The following ZMAT4 variants were observed in gnomAD, a reference collection of about 807,000 sequenced individuals.
ZMAT4 encodes zinc finger matrin-type protein 4.
A neutral mutation model predicts 28.7 loss-of-function variants in ZMAT4; 17 were observed. The observed-to-expected ratio is 0.59, with a 90% CI of 0.41 to 0.89. ZMAT4 has a LOEUF of 0.89. ZMAT4 is among the 40% of genes least tolerant of loss of function. The pLI is 0.00. For synonymous variants in ZMAT4, 117 were observed against 109.2 expected, an observed-to-expected ratio of 1.07 and a Z score of -0.44; for missense variants, 240 against 283.8, an observed-to-expected ratio of 0.85 and a Z score of 1.11.
At chr8:40,622,308 G>A (rs151177862) in intron 5 of ZMAT4, among the ~76,000 whole-genome samples, 81 of 152,314 alleles carry the variant, frequency 5.3e-4, no homozygotes, top group Admixed American at 1.4e-3. Context: ...GGTGGCTTGT[G>A]ACTTAATGAT....
At chr8:40,633,909 G>C (rs1243582199) in intron 5 of ZMAT4, among the ~76,000 whole-genome samples, 2 of 152,164 alleles carry the variant, frequency 1.3e-5, no homozygotes, top group African/African-American at 4.8e-5. Flanking sequence ...TTAGCTATGA[G>C]TTACCTCAGC....
chr8:40,873,359 G>C (rs1191663461), intron 1 of ZMAT4, among the ~76,000 whole-genome samples: 1 of 152,132 alleles, frequency 6.6e-6, no homozygotes, highest in Non-Finnish European at 1.5e-5. Flanking sequence ...ATGAGTCACC[G>C]AAAGCTGTTG....
chr8:40,702,893 G>T lies in ZMAT4; in HGVS notation c.193-5492C>A, dbSNP rs1010361487. 2.6e-5 allele frequency among the ~76,000 whole-genome samples: 4 copies of T among 152,260 alleles called. No individual in the cohort carries two copies. In the East Asian group the frequency reaches 5.8e-4, roughly 22 times the overall value. On this transcript the variant is annotated intron_variant, in intron 3 of 6. Coordinates refer to ENST00000297737, the MANE Select transcript of ZMAT4 (RefSeq NM_024645.3). ...ACTCCAGAAAATGCTAAAGAAACAC[G>T]CATAGAGAGTAATGGAGCGATGGAA...
chr8:40,749,715 A>AGT (rs1812379781), intron 3 of ZMAT4, among the ~76,000 whole-genome samples: 1 of 152,194 alleles, frequency 6.6e-6, no homozygotes, highest in African/African-American at 2.4e-5. Context: ...TTGAGGCAGG[A>AGT]GTGAGTGAAA....
At chr8:40,683,351 A>G (rs112488656) in intron 4 of ZMAT4, among the ~76,000 whole-genome samples, 1 of 152,062 alleles carries the variant, frequency 6.6e-6, no homozygotes, top group African/African-American at 2.4e-5. Context: ...AAGGTGCTAC[A>G]CTCCCTGAGT....
intron 5 of ZMAT4, among the ~76,000 whole-genome samples, chr8:40,613,171 A>ACTTTCTTT (rs201810452): frequency 2.7e-4 from 26 of 96,604 alleles, no homozygotes; most frequent in African/African-American, 9.3e-4. Context: ...TTTCTTTCTT[A>ACTTTCTTT]CTTTCTTTCT....
At chr8:40,848,088 C>A (rs190062912) in intron 1 of ZMAT4, among the ~76,000 whole-genome samples, 253 of 152,332 alleles carry the variant, frequency 1.7e-3, no homozygotes, top group Non-Finnish European at 2.9e-3. Flanking sequence ...TGTCTACCTG[C>A]TCCTTGTGTC....
At chr8:40,713,921 C>CA (rs532317102) in intron 3 of ZMAT4, among the ~76,000 whole-genome samples, 2,525 of 49,922 alleles carry the variant, frequency 0.051, 62 homozygotes, top group African/African-American at 0.12. Flanking sequence ...AAAACAAAAC[C>CA]AAAAAAAAAA....
rs530226940 is a variant in ZMAT4, at chr8:40,851,316, G to A, written c.-4-25636C>T. On this transcript the variant is annotated intron_variant, in intron 1 of 6. Coordinates refer to ENST00000297737, the MANE Select transcript of ZMAT4 (RefSeq NM_024645.3). ...GCTCTCCAGCCTGAGTGATAAGAGC[G>A]AAATTACATCTCAATAAAAGGAAAC... Among the ~76,000 whole-genome samples, 67 of 151,954 alleles carry A rather than the reference G, an allele frequency of 4.4e-4. 3 individuals are homozygous for A. Among genetic ancestry groups the A allele is most frequent in the Admixed American group, 3.3e-3 (50 of 15,262 alleles).
At chr8:40,890,967 G>A (rs1484851832) in intron 1 of ZMAT4, among the ~76,000 whole-genome samples, 1 of 151,628 alleles carries the variant, frequency 6.6e-6, no homozygotes, top group Non-Finnish European at 1.5e-5. Flanking sequence ...GAATCATGGT[G>A]TACCCTACAC....
chr8:40,731,645 A>G (rs752754127), intron 3 of ZMAT4, among the ~76,000 whole-genome samples: 4 of 152,202 alleles, frequency 2.6e-5, no homozygotes, highest in Non-Finnish European at 5.9e-5. Flanking sequence ...CTGATGGCAA[A>G]TCTATGAGAC....
intron 4 of ZMAT4, among the ~76,000 whole-genome samples, chr8:40,692,577 A>C (rs944739651): frequency 8.5e-5 from 13 of 152,208 alleles, no homozygotes; most frequent in Admixed American, 6.5e-5. Flanking sequence ...CTTAACACAC[A>C]ATCAATTGCA....
intron 2 of ZMAT4, among the ~76,000 whole-genome samples, chr8:40,812,849 T>C (rs1475479803): frequency 6.6e-6 from 1 of 151,832 alleles, no homozygotes; most frequent in Non-Finnish European, 1.5e-5. Context: ...GGAGAATCAC[T>C]TGGAACCTGG....
intron 2 of ZMAT4, among the ~76,000 whole-genome samples, chr8:40,820,173 T>A (rs2150604614): frequency 6.6e-6 from 1 of 151,968 alleles, no homozygotes; most frequent in South Asian, 2.1e-4. Flanking sequence ...TGTGTGTGTG[T>A]GTGTGTGTGT....
rs1807436619 is a variant in ZMAT4, at chr8:40,648,143, T to G, written c.577+26561A>C. On this transcript the variant is annotated intron_variant, in intron 5 of 6. Transcript: ENST00000297737. ...ATTACTCTGAGCTATGGGAGGACAT[T>G]CAAACCAAAGGCAAAGAACTTGAAA... Among the ~76,000 whole-genome samples the G allele has an allele frequency of 2.0e-5, 3 of 152,140 alleles. 1 individual carries two copies. In the South Asian group the frequency reaches 6.2e-4, roughly 32 times the overall value.
At chr8:40,649,665 A>G (rs1000464220) in intron 5 of ZMAT4, among the ~76,000 whole-genome samples, 1 of 152,030 alleles carries the variant, frequency 6.6e-6, no homozygotes, top group Non-Finnish European at 1.5e-5. Flanking sequence ...AATTGACCAC[A>G]TACTTGGAAG....
chr8:40,573,214 G>T (rs770104587), intron 6 of ZMAT4, among the ~76,000 whole-genome samples: 1 of 152,102 alleles, frequency 6.6e-6, no homozygotes, highest in Non-Finnish European at 1.5e-5. Flanking sequence ...TGTCTAAAGG[G>T]TTGCCTAAAA....
chr8:40,606,848 T>C (rs1257813272), intron 5 of ZMAT4, among the ~76,000 whole-genome samples: 2 of 152,324 alleles, frequency 1.3e-5, no homozygotes, highest in South Asian at 2.1e-4. Context: ...ATAATTCTTA[T>C]GTTTGGTCAT....
rs527783042 is a variant in ZMAT4, at chr8:40,640,084, C to T, written c.577+34620G>A. ...CTCAAACCCCTGGGTTCAAGTAATCCTCCCACCTCAGCCTCCTGGATAGCT... is the reference window on the plus strand; with the variant it reads ...CTCAAACCCCTGGGTTCAAGTAATCTTCCCACCTCAGCCTCCTGGATAGCT... On this transcript the variant is annotated intron_variant, in intron 5 of 6. Coordinates refer to ENST00000297737, the MANE Select transcript of ZMAT4 (RefSeq NM_024645.3). 1.1e-4 allele frequency among the ~76,000 whole-genome samples: 16 copies of T among 152,226 alleles called. No homozygotes were observed. The East Asian group carries it at 3.1e-3, about 29-fold the overall frequency.
Sources: allele counts gnomAD v4.1 joint callset (sites outside exome capture counted in the v4.1 genomes callset), GRCh38; gene constraint gnomAD v4.1.1; transcripts MANE v1.5; gene names NCBI Gene and HGNC (gene_info 2026-07-23, HGNC 2026-07-21).